Variants in ORAI3 observed in about 807,000 individuals in gnomAD.
ORAI3 encodes ORAI calcium release-activated calcium modulator 3, also known as protein orai-3.
Under a neutral mutation model 17.2 loss-of-function variants are expected in ORAI3, and 15 were observed. That is an observed-to-expected ratio of 0.87 (90% CI 0.58 to 1.34). ORAI3 has a LOEUF of 1.34. Ranked by LOEUF, ORAI3 falls within the 40% of genes most tolerant of loss-of-function variation. The pLI is 0.00. For missense variants in ORAI3, 405 were observed against 396.7 expected (o/e 1.02, Z -0.18); for synonymous variants, 178 against 172.4 (o/e 1.03, Z -0.25).
Position 30,953,335 on chromosome 16 carries a change from A to T in ORAI3, c.379A>T (p.Ser127Cys). 3 of 1,614,130 alleles carry T rather than the reference A, an allele frequency of 1.9e-6. No homozygotes were observed. The highest frequency in any genetic ancestry group is 2.5e-6 in the Non-Finnish European group (3 of 1,180,000). ...TCTGCTGCCCCACATTGAAGCTGTG[A>T]GCAACATCCACAACCTCAACTCTGT... The part of the protein sequence containing the change: ...TCLLPHIEAV[S>C]NIHNLNSVHQ... Residue 127 changes from serine to cysteine, a missense_variant, in exon 2 of 2, where the codon AGC becomes TGC. Physicochemically the swap from Ser to Cys is moderately radical, Grantham distance 112. Coordinates refer to ENST00000318663, the MANE Select transcript of ORAI3 (RefSeq NM_152288.3).
rs1242812727 is a variant in ORAI3, at chr16:30,949,460, C to T, written c.171C>T (p.Ser57=). The T allele has an allele frequency of 6.2e-7, 1 of 1,608,836 alleles. No individual in the cohort carries two copies. The highest frequency in any genetic ancestry group is 8.5e-7 in the Non-Finnish European group (1 of 1,178,832). Residue 57 remains serine (S), a synonymous_variant, in exon 1 of 2, where the codon AGC becomes AGT. Transcript: ENST00000318663. ...RALSWRRLYL[S]RAKLKASSRT... The stretch of plus-strand genomic sequence containing the variant: ...TCAGCTGGCGCCGCCTCTACCTCAG[C>T]CGGGCCAAGCTCAAAGCTTCCAGCC...
chr16:30,951,078 C>T (rs1175938962), intron 1 of ORAI3, among the ~76,000 whole-genome samples: 1 of 152,164 alleles, frequency 6.6e-6, no homozygotes, highest in Non-Finnish European at 1.5e-5. Flanking sequence ...CCTCCTGACA[C>T]CTGCCATGGC....
intron 1 of ORAI3, chr16:30,949,727 C>T: frequency 1.8e-6 from 1 of 553,510 alleles, no homozygotes. Context: ...CACCGGAGGA[C>T]ACGAAAGTCC....
Position 30,949,311 on chromosome 16 carries a change from G to A in ORAI3, c.22G>A (p.Ala8Thr). The A allele has an allele frequency of 7.0e-7, 1 of 1,426,610 alleles. No homozygotes were observed. Among genetic ancestry groups the A allele is most frequent in the South Asian group, 1.4e-5 (1 of 69,166 alleles). 88.4% of individuals were successfully genotyped at this position (1,426,610 alleles called of 1,614,324 possible). The change falls in exon 1 of 2, where the codon GCG becomes ACG. Residue 8 changes from alanine to threonine, a missense_variant. Transcript: ENST00000318663. ...CAGGATGAAGGGCGGCGAGGGGGAC[G>A]CGGGCGAGCAGGCCCCGCTGAACCC... MKGGEGD[A>T]GEQAPLNPEG... is the part of the protein sequence containing the mutation.
chr16:30,954,213 C>T lies in ORAI3; in HGVS notation c.*369C>T. ...ACAGGATGTGAAGGTCAGAAGGCAG[C>T]CAATTGTTGGTTTAATTTTTTTTTT... On this transcript the variant is annotated 3_prime_UTR_variant, in exon 2 of 2. Transcript: ENST00000318663. 1 of 661,268 alleles carries T rather than the reference C, an allele frequency of 1.5e-6. No homozygotes were observed. The highest frequency in any genetic ancestry group is 1.6e-5 in the South Asian group (1 of 61,096). The allele number at this position is 661,268 out of a possible 1,614,324, so 41.0% of individuals were successfully genotyped here. A position where few individuals can be genotyped will look rare whatever the true frequency, so the allele number is the denominator to read the frequency against.
At chr16:30,950,946 G>A (rs1225143480) in intron 1 of ORAI3, among the ~76,000 whole-genome samples, 1 of 152,180 alleles carries the variant, frequency 6.6e-6, no homozygotes, top group Non-Finnish European at 1.5e-5. Flanking sequence ...GGAGGAAGGG[G>A]CTGGAGGTTT....
chr16:30,954,086 C>G lies in ORAI3; in HGVS notation c.*242C>G, dbSNP rs1313492291. 1.4e-6 allele frequency: 1 copy of G among 703,628 alleles called. No individual in the cohort carries two copies. Among genetic ancestry groups the G allele is most frequent in the African/African-American group, 1.7e-5 (1 of 57,296 alleles). The allele number at this position is 703,628 out of a possible 1,614,324, so 43.6% of individuals were successfully genotyped here. ...TTGGGTTTTGCAAGCTACTCTGCAC[C>G]TGGGCTGGCCTCAGTTGAAGGATCA... On this transcript the variant is annotated 3_prime_UTR_variant, in exon 2 of 2. Transcript: ENST00000318663.
intron 1 of ORAI3, 73 bp downstream of exon 1, chr16:30,949,590 T>C: frequency 1.7e-6 from 1 of 595,450 alleles, no homozygotes; most frequent in East Asian, 6.8e-5. Flanking sequence ...GGGGGCGAAG[T>C]AAACAGGTCC....
Position 30,953,334 on chromosome 16 carries a change from G to A in ORAI3, c.378G>A (p.Val126=). The change falls in exon 2 of 2, where the codon GTG becomes GTA. Residue 126 remains valine, a synonymous_variant. Coordinates refer to ENST00000318663, the MANE Select transcript of ORAI3 (RefSeq NM_152288.3). ...STCLLPHIEA[V]SNIHNLNSVH... ...GTCTGCTGCCCCACATTGAAGCTGT[G>A]AGCAACATCCACAACCTCAACTCTG... The A allele has an allele frequency of 2.5e-6, 4 of 1,614,138 alleles. No individual in the cohort carries two copies. Among genetic ancestry groups the A allele is most frequent in the Non-Finnish European group, 3.4e-6 (4 of 1,179,994 alleles).
Position 30,949,222 on chromosome 16 carries a change from C to A in ORAI3, c.-68C>A. On this transcript the variant is annotated 5_prime_UTR_variant, in exon 1 of 2. Coordinates refer to ENST00000318663, the MANE Select transcript of ORAI3 (RefSeq NM_152288.3). ...AATGGGGCCGCCCCCGGGCTTGGGC[C>A]GGCCCGGCTGGGGCCCCCGAGGCGC... is the stretch of plus-strand genomic sequence containing the variant. 1 of 1,149,258 alleles carries A rather than the reference C, an allele frequency of 8.7e-7. No individual in the cohort carries two copies. Among genetic ancestry groups the A allele is most frequent in the South Asian group, 1.9e-5 (1 of 52,742 alleles). 71.2% of individuals were successfully genotyped at this position (1,149,258 alleles called of 1,614,324 possible). A position where few individuals can be genotyped will look rare whatever the true frequency, so the allele number is the denominator to read the frequency against.
In ORAI3 at chr16:30,953,865, C is replaced by A. The variant is rs1360000005; in HGVS notation, c.*21C>A. The stretch of plus-strand genomic sequence containing the variant: ...TGTGAGACTGGTGTTAGCCACCGCT[C>A]ACTGCAAGCACTGCCTCCCTCCGGG... On this transcript the variant is annotated 3_prime_UTR_variant, in exon 2 of 2. Coordinates refer to ENST00000318663, the MANE Select transcript of ORAI3 (RefSeq NM_152288.3). 1 of 1,586,572 alleles carries A rather than the reference C, an allele frequency of 6.3e-7. No homozygotes were observed. Among genetic ancestry groups the A allele is most frequent in the South Asian group, 1.1e-5 (1 of 87,840 alleles).
At chr16:30,952,378 G>T (rs768807069) in intron 1 of ORAI3, among the ~76,000 whole-genome samples, 4 of 151,896 alleles carry the variant, frequency 2.6e-5, no homozygotes, top group Middle Eastern at 3.4e-3. Flanking sequence ...CAGGTGATCC[G>T]CCCAACTCGG....
rs749072288 is a variant in ORAI3, at chr16:30,953,357, C to G, written c.401C>G (p.Ser134Cys). The G allele has an allele frequency of 8.7e-6, 14 of 1,614,222 alleles. No homozygotes were observed. Among genetic ancestry groups the G allele is most frequent in the Non-Finnish European group, 1.2e-5 (14 of 1,180,020 alleles). ...EAVSNIHNLN[S>C]VHQSPHQRLH... The stretch of plus-strand genomic sequence containing the variant: ...GTGAGCAACATCCACAACCTCAACT[C>G]TGTCCACCAGTCGCCACACCAGAGA... Residue 134 changes from serine (S) to cysteine (C), a missense_variant, in exon 2 of 2, where the codon TCT (serine) becomes TGT (cysteine). Coordinates refer to ENST00000318663, the MANE Select transcript of ORAI3 (RefSeq NM_152288.3).
At position 30,953,894 on chromosome 16, in the gene ORAI3, T is replaced by G. The variant is rs1386253155; in HGVS notation, c.*50T>G. On this transcript the variant is annotated 3_prime_UTR_variant, in exon 2 of 2. Coordinates refer to ENST00000318663, the MANE Select transcript of ORAI3 (RefSeq NM_152288.3). Reference sequence around the variant, plus strand: ...GCAAGCACTGCCTCCCTCCGGGGTCTGTAAGAGGCCGCAGGGGCCTACAGA... The same window carrying G: ...GCAAGCACTGCCTCCCTCCGGGGTCGGTAAGAGGCCGCAGGGGCCTACAGA... The G allele has an allele frequency of 6.4e-7, 1 of 1,564,030 alleles. No homozygotes were observed. Among genetic ancestry groups the G allele is most frequent in the Non-Finnish European group, 8.6e-7 (1 of 1,157,144 alleles).
intron 1 of ORAI3, among the ~76,000 whole-genome samples, chr16:30,950,775 C>A (rs982988428): frequency 3.3e-5 from 5 of 152,172 alleles, no homozygotes; most frequent in Admixed American, 2.0e-4. Flanking sequence ...TGTTGGCTCC[C>A]CTTCATCTGC....
intron 1 of ORAI3, 49 bp downstream of exon 1, chr16:30,949,566 GCACAGGTC>G: frequency 7.1e-6 from 3 of 422,874 alleles, no homozygotes; most frequent in Non-Finnish European, 1.3e-5. Context: ...CAAGTGGGGG[GCACAGGTC>G]GGGGGGGGGG....
Position 30,949,236 on chromosome 16 carries a change from C to G in ORAI3, c.-54C>G. On this transcript the variant is annotated 5_prime_UTR_variant, in exon 1 of 2. Coordinates refer to ENST00000318663, the MANE Select transcript of ORAI3 (RefSeq NM_152288.3). ...CGGGCTTGGGCCGGCCCGGCTGGGG[C>G]CCCCGAGGCGCTTCCGCCCCGTAGT... is the stretch of plus-strand genomic sequence containing the variant. The G allele has an allele frequency of 3.2e-6, 4 of 1,269,538 alleles. No individual in the cohort carries two copies. The highest frequency in any genetic ancestry group is 4.1e-6 in the Non-Finnish European group (4 of 981,280). 78.6% of individuals were successfully genotyped at this position (1,269,538 alleles called of 1,614,324 possible).
chr16:30,953,864 T>C lies in ORAI3; in HGVS notation c.*20T>C, dbSNP rs1316928245. 1 of 1,592,862 alleles carries C rather than the reference T, an allele frequency of 6.3e-7. No homozygotes were observed. The highest frequency in any genetic ancestry group is 8.5e-7 in the Non-Finnish European group (1 of 1,171,226). On this transcript the variant is annotated 3_prime_UTR_variant, in exon 2 of 2. Coordinates refer to ENST00000318663, the MANE Select transcript of ORAI3 (RefSeq NM_152288.3). ...GTGTGAGACTGGTGTTAGCCACCGC[T>C]CACTGCAAGCACTGCCTCCCTCCGG...
Position 30,953,365 on chromosome 16 carries a change from C to A in ORAI3, c.409C>A (p.Gln137Lys), listed in dbSNP as rs759222877. ...CATCCACAACCTCAACTCTGTCCAC[C>A]AGTCGCCACACCAGAGACTGCACCG... Reference protein sequence around the residue: ...SNIHNLNSVHQSPHQRLHRYV... With the variant: ...SNIHNLNSVHKSPHQRLHRYV... The change falls in exon 2 of 2, where the codon CAG becomes AAG. Residue 137 changes from glutamine (Q) to lysine (K), a missense_variant. By Grantham distance (53) the Gln-to-Lys change is moderately conservative. Coordinates refer to ENST00000318663, the MANE Select transcript of ORAI3 (RefSeq NM_152288.3). The A allele has an allele frequency of 6.2e-7, 1 of 1,614,194 alleles. No individual in the cohort carries two copies. Among genetic ancestry groups the A allele is most frequent in the Non-Finnish European group, 8.5e-7 (1 of 1,180,006 alleles).
Sources: gnomAD v4.1 joint callset for allele counts (sites outside exome capture counted in the v4.1 genomes callset) on GRCh38, gnomAD v4.1.1 for gene constraint, MANE v1.5 for transcripts, NCBI Gene and HGNC (gene_info 2026-07-23, HGNC 2026-07-21) for gene names.